Variants in DNAAF9 observed in about 807,000 individuals in gnomAD.
DNAAF9 encodes the protein shulin.
DNAAF9 carries 90 observed loss-of-function variants against 167.0 expected under a neutral mutation model. The ratio of observed to expected loss-of-function variants is 0.54; its 90% confidence interval spans 0.45 to 0.64. The LOEUF is 0.64. DNAAF9 is among the 30% of genes least tolerant of loss of function. The pLI is 0.00. For missense variants in DNAAF9, 1,315 were observed against 1,442.2 expected, an observed-to-expected ratio of 0.91 and a Z score of 1.43; for synonymous variants, 491 against 508.8, an observed-to-expected ratio of 0.96 and a Z score of 0.47.
At chr20:3,387,126 C>A (rs1045983861) in intron 1 of DNAAF9, among the ~76,000 whole-genome samples, 1 of 152,146 alleles carries the variant, frequency 6.6e-6, no homozygotes, top group African/African-American at 2.4e-5. Context: ...CTTCTCAAAT[C>A]CCAATGATGT....
intron 27 of DNAAF9, among the ~76,000 whole-genome samples, chr20:3,283,867 A>G (rs2068803937): frequency 6.6e-6 from 1 of 152,224 alleles, no homozygotes; most frequent in Admixed American, 6.5e-5. Flanking sequence ...TCATTTTAAT[A>G]TAACAGGATT....
At chr20:3,263,438 G>C (rs1357369662) in intron 31 of DNAAF9, among the ~76,000 whole-genome samples, 2 of 152,156 alleles carry the variant, frequency 1.3e-5, no homozygotes, top group Non-Finnish European at 2.9e-5. Context: ...ACCTTCAACA[G>C]AGCAGAAACA....
At position 3,285,681 on chromosome 20, in the gene DNAAF9, T is replaced by TAAA. The variant is rs774457454; in HGVS notation, c.2486+1948_2486+1950dup. Reference sequence around the variant, plus strand: ...ACGACAGAGTGAGACTCTGTCTCATTAAAAAAAAAAAAAAGGGCCAGGAGC... The same window carrying TAAA: ...ACGACAGAGTGAGACTCTGTCTCATTAAAAAAAAAAAAAAAAAGGGCCAGGAGC... On this transcript the variant is annotated intron_variant, in intron 27 of 36. Coordinates refer to ENST00000252032, the MANE Select transcript of DNAAF9 (RefSeq NM_001009984.3). Among the ~76,000 whole-genome samples the TAAA allele has an allele frequency of 8.1e-3, 840 of 103,922 alleles. 13 individuals carry two copies. The highest frequency in any genetic ancestry group is 0.028 in the African/African-American group (768 of 27,434). The allele number at this position is 103,922 out of a possible 152,430, so 68.2% of individuals were successfully genotyped here. A position where few individuals can be genotyped will look rare whatever the true frequency, so the allele number is the denominator to read the frequency against.
At chr20:3,346,026 T>G (rs563915936) in intron 8 of DNAAF9, among the ~76,000 whole-genome samples, 1 of 152,132 alleles carries the variant, frequency 6.6e-6, no homozygotes, top group African/African-American at 2.4e-5. Flanking sequence ...AAAAACAATA[T>G]GTAAACAAAA....
In DNAAF9 at chr20:3,311,063, A is replaced by G. The variant is rs569830014; in HGVS notation, c.1678+3970T>C. On this transcript the variant is annotated intron_variant, in intron 20 of 36. Coordinates refer to ENST00000252032, the MANE Select transcript of DNAAF9 (RefSeq NM_001009984.3). ...CTCTTCATTCCAACCCTACAGAAAC[A>G]TTTGCCCATGTGGACCAAGAGACAT... Among the ~76,000 whole-genome samples the G allele has an allele frequency of 2.0e-5, 3 of 152,308 alleles. No individual in the cohort carries two copies. The South Asian group carries it at 6.2e-4, about 32-fold the overall frequency.
chr20:3,307,224 C>T, intron 20 of DNAAF9: 1 of 868,828 alleles, frequency 1.2e-6, no homozygotes, highest in Non-Finnish European at 1.4e-6. Context: ...GACAAATTCA[C>T]AAGACAGTGC....
chr20:3,250,812 C>G lies in DNAAF9; in HGVS notation c.*1760G>C, dbSNP rs2068183654. The G allele has an allele frequency of 6.6e-6, 1 of 152,196 alleles. No individual in the cohort carries two copies. Among genetic ancestry groups the G allele is most frequent in the African/African-American group, 2.4e-5 (1 of 41,412 alleles). The allele number at this position is 152,196 out of a possible 1,614,324, so 9.4% of individuals were successfully genotyped here. On this transcript the variant is annotated 3_prime_UTR_variant, in exon 37 of 37. Transcript: ENST00000252032. ...TAGAGAAATGGCCTGTGGTTCCCAC[C>G]CCCCAACCCCTTTTCTAAGGCTGCT... is the stretch of plus-strand genomic sequence containing the variant.
At chr20:3,275,318 ACT>A (rs1339635624) in intron 29 of DNAAF9, among the ~76,000 whole-genome samples, 1 of 152,064 alleles carries the variant, frequency 6.6e-6, no homozygotes, top group Non-Finnish European at 1.5e-5. Flanking sequence ...ATACCCTAGG[ACT>A]CTGTTTGGTA....
chr20:3,270,505 A>C lies in DNAAF9; in HGVS notation c.2708T>G (p.Leu903Arg). Residue 903 changes from leucine (L) to arginine (R), a missense_variant, in exon 30 of 37, where the codon CTT becomes CGT. This residue lies in a region of DNAAF9 where 334 missense variants were observed against 429.7 expected (regional missense o/e 0.78). Coordinates refer to ENST00000252032, the MANE Select transcript of DNAAF9 (RefSeq NM_001009984.3). ...CCTGATGAGGCTCTGCAGCTGAACA[A>C]GGAGAGGGTGCCGCTGCTCCGTGGT... ...SHTTEQRHPL[L>R]VQLQSLIRAA... 1 of 1,612,966 alleles carries C rather than the reference A, an allele frequency of 6.2e-7. No homozygotes were observed. The highest frequency in any genetic ancestry group is 1.3e-5 in the African/African-American group (1 of 75,016).
intron 1 of DNAAF9, among the ~76,000 whole-genome samples, chr20:3,401,324 G>T (rs1395305139): frequency 3.3e-5 from 5 of 152,140 alleles, no homozygotes; most frequent in African/African-American, 1.2e-4. Flanking sequence ...TCCTGCCTCA[G>T]CCTCTCCAGT....
At chr20:3,319,082 C>CAAAAA (rs71195834) in intron 16 of DNAAF9, among the ~76,000 whole-genome samples, 9 of 71,132 alleles carry the variant, frequency 1.3e-4, no homozygotes, top group East Asian at 5.1e-4. Context: ...GACTCTGTCT[C>CAAAAA]AAAAAAAAAA....
At chr20:3,311,213 T>C (rs1291562388) in intron 20 of DNAAF9, among the ~76,000 whole-genome samples, 1 of 152,154 alleles carries the variant, frequency 6.6e-6, no homozygotes, top group Non-Finnish European at 1.5e-5. Context: ...AGATCATAGC[T>C]TACTGCAGCC....
At chr20:3,363,529 CTCT>C (rs2083392077) in intron 6 of DNAAF9, among the ~76,000 whole-genome samples, 1 of 136,850 alleles carries the variant, frequency 7.3e-6, no homozygotes, top group South Asian at 2.3e-4. Context: ...GCAAAGCAAA[CTCT>C]TTTTTTTTTT....
In DNAAF9 at chr20:3,250,165, T is replaced by A. The variant is rs2068175563; in HGVS notation, c.*2407A>T. The stretch of plus-strand genomic sequence containing the variant: ...CTCTTTGCTGGGTCCCTGGATCCAC[T>A]TCTAAGGTCAAAAGCAGTGTCATGG... On this transcript the variant is annotated 3_prime_UTR_variant, in exon 37 of 37. Transcript: ENST00000252032. The A allele has an allele frequency of 6.6e-6, 1 of 152,222 alleles. No individual in the cohort carries two copies. The highest frequency in any genetic ancestry group is 2.4e-5 in the African/African-American group (1 of 41,454). 9.4% of individuals were successfully genotyped at this position (152,222 alleles called of 1,614,324 possible).
chr20:3,289,927 G>A (rs1159029122), intron 26 of DNAAF9, among the ~76,000 whole-genome samples: 2 of 152,176 alleles, frequency 1.3e-5, no homozygotes, highest in Non-Finnish European at 2.9e-5. Flanking sequence ...TTTCGTGTCT[G>A]TATGTTCATC....
chr20:3,300,270 T>A (rs1055763653), intron 21 of DNAAF9, among the ~76,000 whole-genome samples: 1 of 146,798 alleles, frequency 6.8e-6, no homozygotes, highest in Non-Finnish European at 1.5e-5. Context: ...CTACAGATCA[T>A]GTTGGGCAGT....
chr20:3,315,749 G>T lies in DNAAF9; in HGVS notation c.1576C>A (p.Gln526Lys). 1.2e-6 allele frequency: 2 copies of T among 1,613,432 alleles called. No homozygotes were observed. The highest frequency in any genetic ancestry group is 1.7e-6 in the Non-Finnish European group (2 of 1,179,358). Residue 526 changes from glutamine to lysine, a missense_variant, in exon 19 of 37, where the codon CAG (glutamine) becomes AAG (lysine). Transcript: ENST00000252032. This position sits in a 1 kb window ranked among gnomAD's most constrained non-coding sequence, Gnocchi z 4.1. ...DNEVKLSEKT[Q>K]QAVRGDESFL... Reference sequence around the variant, plus strand: ...AGGCTGCTTACCCTCACTGCTTGCTGGGTTTTCTCAGACAATTTTACTTCA... The same window carrying T: ...AGGCTGCTTACCCTCACTGCTTGCTTGGTTTTCTCAGACAATTTTACTTCA...
intron 20 of DNAAF9, among the ~76,000 whole-genome samples, chr20:3,306,158 A>G (rs1490279989): frequency 2.6e-5 from 4 of 151,296 alleles, no homozygotes; most frequent in African/African-American, 9.8e-5. Flanking sequence ...ATTCCTTCTT[A>G]GAGCAGTAAA....
chr20:3,250,171 G>A lies in DNAAF9; in HGVS notation c.*2401C>T, dbSNP rs1252189113. 6.6e-6 allele frequency: 1 copy of A among 152,228 alleles called. No homozygotes were observed. The highest frequency in any genetic ancestry group is 6.5e-5 in the Admixed American group (1 of 15,278). 9.4% of individuals were successfully genotyped at this position (152,228 alleles called of 1,614,324 possible). On this transcript the variant is annotated 3_prime_UTR_variant, in exon 37 of 37. Transcript: ENST00000252032. ...GCTGGGTCCCTGGATCCACTTCTAAGGTCAAAAGCAGTGTCATGGCCATTC... is the reference window on the plus strand; with the variant it reads ...GCTGGGTCCCTGGATCCACTTCTAAAGTCAAAAGCAGTGTCATGGCCATTC...
Sources: allele counts gnomAD v4.1 joint callset (sites outside exome capture counted in the v4.1 genomes callset), GRCh38; gene constraint gnomAD v4.1.1; regional missense constraint gnomAD v4.1.1; non-coding constraint Gnocchi (gnomAD v3.1); transcripts MANE v1.5; gene names NCBI Gene and HGNC (gene_info 2026-07-23, HGNC 2026-07-21).